DYNC2H1: variants seen among roughly 807,000 people sequenced by gnomAD.
The protein encoded by DYNC2H1 is cytoplasmic dynein 2 heavy chain 1.
A neutral mutation model predicts 570.0 loss-of-function variants in DYNC2H1; 410 were observed. The observed-to-expected ratio is 0.72, with a 90% CI of 0.66 to 0.78. The LOEUF (loss-of-function observed/expected upper bound fraction) is 0.78. Among genes scored for constraint, DYNC2H1 ranks in the 30% least tolerant of loss-of-function variants. DYNC2H1 has a pLI of 0.00. For missense variants in DYNC2H1, 4,865 were observed against 5,046.4 expected (o/e 0.96, Z 1.09); for synonymous variants, 1,688 against 1,677.6 (o/e 1.01, Z -0.15).
At chr11:103,138,967 T>G in intron 17 of DYNC2H1, among the ~76,000 whole-genome samples, 1 of 151,918 alleles carries the variant, frequency 6.6e-6, no homozygotes, top group Non-Finnish European at 1.5e-5. Context: ...GAGGAATTTA[T>G]CCATTTCTTC....
At chr11:103,155,235 G>C in intron 24 of DYNC2H1, 96 bp from the exon 25 acceptor site, 1 of 1,171,254 alleles carries the variant, frequency 8.5e-7, no homozygotes, top group Non-Finnish European at 1.2e-6. Flanking sequence ...TAAAATTTTG[G>C]TAACTAATAA....
Position 103,129,061 on chromosome 11 carries a change from C to T in DYNC2H1, c.1953+56C>T, listed in dbSNP as rs1276327705. 24 of 1,438,698 alleles carry T rather than the reference C, an allele frequency of 1.7e-5. No homozygotes were observed. In the South Asian group the frequency reaches 3.1e-4, roughly 18 times the overall value. 89.1% of individuals were successfully genotyped at this position (1,438,698 alleles called of 1,614,324 possible). On this transcript the variant is annotated intron_variant, in intron 13 of 88. Coordinates refer to ENST00000375735, the MANE Select transcript of DYNC2H1 (RefSeq NM_001377.3). This position sits in a 1 kb window ranked among gnomAD's most constrained non-coding sequence, Gnocchi z 4.1. ...GATTTTACATGTGAAGTGTTTAATTCTTAATTTTCCGGTGTTCCCTTCAGC... is the reference window on the plus strand; with the variant it reads ...GATTTTACATGTGAAGTGTTTAATTTTTAATTTTCCGGTGTTCCCTTCAGC...
At chr11:103,255,288 G>A in intron 66 of DYNC2H1, 127 bp from the exon 67 acceptor site, 1 of 1,061,104 alleles carries the variant, frequency 9.4e-7, no homozygotes, top group Admixed American at 3.4e-5. Flanking sequence ...TAATTAGAAA[G>A]AATGAAATGA....
At chr11:103,292,202 A>T in intron 75 of DYNC2H1, among the ~76,000 whole-genome samples, 5 of 137,464 alleles carry the variant, frequency 3.6e-5, no homozygotes, top group Admixed American at 7.4e-5. Flanking sequence ...TGTATAAGTG[A>T]TCTTCTCTGG....
chr11:103,332,950 C>T (rs892332113), intron 82 of DYNC2H1, among the ~76,000 whole-genome samples: 2 of 151,858 alleles, frequency 1.3e-5, no homozygotes, highest in Non-Finnish European at 2.9e-5. Context: ...TTACAGTGAG[C>T]CGAGATCATG....
Position 103,245,200 on chromosome 11 carries a change from A to G in DYNC2H1, c.9919-51A>G. The G allele has an allele frequency of 7.3e-7, 1 of 1,370,854 alleles. No individual in the cohort carries two copies. Among genetic ancestry groups the G allele is most frequent in the Non-Finnish European group, 9.8e-7 (1 of 1,015,360 alleles). 84.9% of individuals were successfully genotyped at this position (1,370,854 alleles called of 1,614,324 possible). On this transcript the variant is annotated intron_variant, in intron 64 of 88. Transcript: ENST00000375735. This position sits in a 1 kb window ranked among gnomAD's most constrained non-coding sequence, Gnocchi z 4.5. ...AGAAAATCAAAGAAAGGATGTTTGT[A>G]AATATTAAAGTAATTAAATAATTAA... is the stretch of plus-strand genomic sequence containing the variant.
Position 103,186,318 on chromosome 11 carries a change from G to A in DYNC2H1, c.6710G>A (p.Arg2237Gln), listed in dbSNP as rs774855383. The stretch of plus-strand genomic sequence containing the variant: ...ACCTACTATGACTCTACTAGGGGTC[G>A]ATTAGCAACATATGTGCTTAAGAAG... ...MDTYYDSTRG[R>Q]LATYVLKKPE... The change falls in exon 42 of 89, where the codon CGA (arginine) becomes CAA (glutamine). Residue 2237 changes from arginine (R) to glutamine (Q), a missense_variant. Transcript: ENST00000375735. This position sits in a 1 kb window ranked among gnomAD's most constrained non-coding sequence, Gnocchi z 4.5. The A allele has an allele frequency of 1.7e-5, 27 of 1,612,540 alleles. 1 individual carries two copies. Among genetic ancestry groups the A allele is most frequent in the Middle Eastern group, 3.3e-4 (2 of 6,056 alleles).
chr11:103,412,140 A>G (rs992808237), intron 84 of DYNC2H1, among the ~76,000 whole-genome samples: 2 of 141,926 alleles, frequency 1.4e-5, no homozygotes, highest in African/African-American at 5.6e-5. Context: ...TTTCAAAATA[A>G]AAGTTAAATT....
At position 103,475,043 on chromosome 11, in the gene DYNC2H1, A is replaced by C. The variant is rs1184615404; in HGVS notation, c.12766-4052A>C. ...CTTTAGGAAAGCAGAAAAATTATGC[A>C]AGATGTTTATTCACATAAAACAATT... On this transcript the variant is annotated intron_variant, in intron 88 of 88. Coordinates refer to ENST00000375735, the MANE Select transcript of DYNC2H1 (RefSeq NM_001377.3). Among the ~76,000 whole-genome samples the C allele has an allele frequency of 2.0e-5, 3 of 152,236 alleles. No individual in the cohort carries two copies. In the East Asian group the frequency reaches 5.8e-4, roughly 29 times the overall value.
In DYNC2H1 at chr11:103,170,441, G is replaced by C. The variant is rs1591354032; in HGVS notation, c.5151+151G>C. ...TAAATTGAAATGTAAAATGGACAGAGGTTGTACGTAGTATAGTCCAAAACT... is the reference window on the plus strand; with the variant it reads ...TAAATTGAAATGTAAAATGGACAGACGTTGTACGTAGTATAGTCCAAAACT... On this transcript the variant is annotated intron_variant, in intron 33 of 88. Coordinates refer to ENST00000375735, the MANE Select transcript of DYNC2H1 (RefSeq NM_001377.3). This position sits in a 1 kb window ranked among gnomAD's most constrained non-coding sequence, Gnocchi z 4.8. Among the ~76,000 whole-genome samples, 1 of 152,132 alleles carries C rather than the reference G, an allele frequency of 6.6e-6. No homozygotes were observed. Among genetic ancestry groups the C allele is most frequent in the African/African-American group, 2.4e-5 (1 of 41,436 alleles).
intron 19 of DYNC2H1, 95 bp from the exon 20 acceptor site, chr11:103,148,395 G>A: frequency 7.7e-7 from 1 of 1,298,822 alleles, no homozygotes; most frequent in Non-Finnish European, 1.1e-6. Flanking sequence ...TCCATGTACT[G>A]ATTACTTCTA....
chr11:103,420,309 TAAC>T (rs1280734059), intron 84 of DYNC2H1, among the ~76,000 whole-genome samples: 1 of 151,868 alleles, frequency 6.6e-6, no homozygotes, highest in Non-Finnish European at 1.5e-5. Context: ...GTAAGATACT[TAAC>T]AAGAAGATCA....
intron 82 of DYNC2H1, among the ~76,000 whole-genome samples, chr11:103,351,265 G>GCTA (rs1197707392): frequency 3.3e-5 from 5 of 152,180 alleles, no homozygotes; most frequent in African/African-American, 1.2e-4. Context: ...TCTACCAGAT[G>GCTA]CTAGCATGGT....
At chr11:103,302,081 G>T (rs888898882) in intron 75 of DYNC2H1, among the ~76,000 whole-genome samples, 5 of 151,966 alleles carry the variant, frequency 3.3e-5, no homozygotes, top group East Asian at 1.9e-4. Context: ...TAGCAGAAGA[G>T]ATTTAAATAT....
intron 83 of DYNC2H1, among the ~76,000 whole-genome samples, chr11:103,380,937 A>T (rs1481819349): frequency 6.6e-6 from 1 of 152,168 alleles, no homozygotes; most frequent in East Asian, 1.9e-4. Flanking sequence ...TGTTATTCTA[A>T]CCTAACTGTT....
chr11:103,432,659 C>CAA (rs796400774), intron 84 of DYNC2H1, among the ~76,000 whole-genome samples: 1 of 104,112 alleles, frequency 9.6e-6, no homozygotes, highest in Admixed American at 9.7e-5. Context: ...AAGTCATCAG[C>CAA]AAAAAAAAAA....
At chr11:103,161,885 A>G (rs1428032569) in intron 29 of DYNC2H1, among the ~76,000 whole-genome samples, 1 of 152,214 alleles carries the variant, frequency 6.6e-6, no homozygotes. Flanking sequence ...TTCAATTTCA[A>G]ATTATCTTCC....
intron 20 of DYNC2H1, among the ~76,000 whole-genome samples, chr11:103,149,401 A>T (rs1029929618): frequency 6.6e-6 from 1 of 152,238 alleles, no homozygotes; most frequent in African/African-American, 2.4e-5. Context: ...AACATATTAT[A>T]GAGATTTTAG....
At position 103,307,764 on chromosome 11, in the gene DYNC2H1, T is replaced by C; in HGVS notation, c.11426T>C (p.Leu3809Pro). The C allele has an allele frequency of 6.2e-7, 1 of 1,606,148 alleles. No homozygotes were observed. The highest frequency in any genetic ancestry group is 8.5e-7 in the Non-Finnish European group (1 of 1,175,800). Reference protein sequence around the residue: ...LQPKDTFRLWLTAEVHPNFTP... With the variant: ...LQPKDTFRLWPTAEVHPNFTP... ...CCTAAAGATACCTTTCGTCTTTGGC[T>C]CACTGCAGAAGTTCATCCCAACTTT... The change falls in exon 78 of 89, where the codon CTC becomes CCC. Residue 3809 changes from leucine (L) to proline (P), a missense_variant. This residue lies in a region of DYNC2H1 where 2,401 missense variants were observed against 2,454.6 expected (regional missense o/e 0.98). Transcript: ENST00000375735.
Sources: allele counts gnomAD v4.1 joint callset (sites outside exome capture counted in the v4.1 genomes callset), GRCh38; gene constraint gnomAD v4.1.1; regional missense constraint gnomAD v4.1.1; non-coding constraint Gnocchi (gnomAD v3.1); transcripts MANE v1.5; gene names NCBI Gene and HGNC (gene_info 2026-07-23, HGNC 2026-07-21).